Variants in UACA observed in about 807,000 individuals in gnomAD.
The protein encoded by UACA is uveal autoantigen with coiled-coil domains and ankyrin repeats.
Under a neutral mutation model 160.5 loss-of-function variants are expected in UACA, and 112 were observed. That is an observed-to-expected ratio of 0.70 (90% CI 0.60 to 0.82). UACA has a LOEUF of 0.82. Ranked by LOEUF, UACA falls within the 40% of genes least tolerant of loss-of-function variation. The probability of loss-of-function intolerance (pLI) is 0.00; values close to 1 mark genes in which losing one functional copy is unlikely to be tolerated. For synonymous variants in UACA, 557 were observed against 568.4 expected (o/e 0.98, Z 0.29); for missense variants, 1,574 against 1,614.6 (o/e 0.97, Z 0.43).
chr15:70,724,458 T>A (rs115128730), intron 1 of UACA, among the ~76,000 whole-genome samples: 1 of 152,190 alleles, frequency 6.6e-6, no homozygotes, highest in Admixed American at 6.5e-5. Flanking sequence ...ATCTCAGTTT[T>A]AATTTTTTTT....
chr15:70,747,241 GTTTTTT>G (rs549683234), intron 1 of UACA, among the ~76,000 whole-genome samples: 1 of 119,254 alleles, frequency 8.4e-6, no homozygotes, highest in East Asian at 2.3e-4. Context: ...TGTTTTTTGG[GTTTTTT>G]TTTTTTTTTT....
At chr15:70,754,520 C>T (rs747032506) in intron 1 of UACA, among the ~76,000 whole-genome samples, 2 of 152,010 alleles carry the variant, frequency 1.3e-5, no homozygotes, top group Non-Finnish European at 2.9e-5. Flanking sequence ...AAATGCATTT[C>T]GACTTACAAT....
chr15:70,665,118 A>G (rs1471237182), intron 16 of UACA, among the ~76,000 whole-genome samples: 1 of 152,222 alleles, frequency 6.6e-6, no homozygotes, highest in South Asian at 2.1e-4. Context: ...ACGAAGGCAC[A>G]TGAACTATCT....
chr15:70,740,165 C>T (rs1016724804), intron 1 of UACA, among the ~76,000 whole-genome samples: 22 of 85,322 alleles, frequency 2.6e-4, no homozygotes, highest in Middle Eastern at 6.5e-3. Flanking sequence ...AATCAAACTA[C>T]TTTAAATACA....
chr15:70,671,510 A>G (rs749765219), intron 14 of UACA: 1 of 158,366 alleles, frequency 6.3e-6, no homozygotes, highest in Non-Finnish European at 1.4e-5. Flanking sequence ...ACAAAAACAG[A>G]TTTTCTAGAG....
Position 70,763,481 on chromosome 15 carries a change from C to G in UACA, c.-74G>C. On this transcript the variant is annotated 5_prime_UTR_variant, in exon 1 of 19. Coordinates refer to ENST00000322954, the MANE Select transcript of UACA (RefSeq NM_018003.4). ...CCAGCGCGCAAGGAGTAGACGGCAG[C>G]GGCTGCAGCAGAGGCGGCGCGGGCT... 7.9e-7 allele frequency: 1 copy of G among 1,259,962 alleles called. No individual in the cohort carries two copies. The highest frequency in any genetic ancestry group is 1.0e-6 in the Non-Finnish European group (1 of 994,626). 78.0% of individuals were successfully genotyped at this position (1,259,962 alleles called of 1,614,324 possible).
chr15:70,659,985 TC>T (rs1896644825), intron 18 of UACA, among the ~76,000 whole-genome samples, 165 bp downstream of exon 18: 1 of 152,132 alleles, frequency 6.6e-6, no homozygotes, highest in African/African-American at 2.4e-5. Flanking sequence ...TGTAAATTTT[TC>T]TGGGAGATCC....
rs1339583002 is a variant in UACA, at chr15:70,695,177, A to C, written c.213-72T>G. 9.8e-5 allele frequency: 105 copies of C among 1,071,812 alleles called. No individual in the cohort carries two copies. In the East Asian group the frequency reaches 2.7e-3, roughly 27 times the overall value. 66.4% of individuals were successfully genotyped at this position (1,071,812 alleles called of 1,614,324 possible). A position where few individuals can be genotyped will look rare whatever the true frequency, so the allele number is the denominator to read the frequency against. The stretch of plus-strand genomic sequence containing the variant: ...TCACCTTAAATGCTACATTAATGTC[A>C]CCCTTTTTCAACACACACACACGCA... On this transcript the variant is annotated intron_variant, in intron 2 of 18. Coordinates refer to ENST00000322954, the MANE Select transcript of UACA (RefSeq NM_018003.4).
In UACA at chr15:70,699,382, T is replaced by C. The variant is rs1898246042; in HGVS notation, c.212+145A>G. 4 of 842,064 alleles carry C rather than the reference T, an allele frequency of 4.8e-6. No homozygotes were observed. The East Asian group carries it at 1.0e-4, about 21-fold the overall frequency. 52.2% of individuals were successfully genotyped at this position (842,064 alleles called of 1,614,324 possible). A position where few individuals can be genotyped will look rare whatever the true frequency, so the allele number is the denominator to read the frequency against. Reference sequence around the variant, plus strand: ...AAATATTTTAAATTGAGAACAATTATTAGTTTGTTTGAAAGATTTTATAGT... The same window carrying C: ...AAATATTTTAAATTGAGAACAATTACTAGTTTGTTTGAAAGATTTTATAGT... On this transcript the variant is annotated intron_variant, in intron 2 of 18. Coordinates refer to ENST00000322954, the MANE Select transcript of UACA (RefSeq NM_018003.4).
intron 2 of UACA, among the ~76,000 whole-genome samples, chr15:70,695,384 A>G (rs1237440193): frequency 6.6e-6 from 1 of 152,090 alleles, no homozygotes; most frequent in Non-Finnish European, 1.5e-5. Context: ...CTATAATATC[A>G]TTAACTCTAA....
chr15:70,666,803 T>C lies in UACA; in HGVS notation c.3881A>G (p.Asp1294Gly), dbSNP rs1005420623. 27 of 1,613,650 alleles carry C rather than the reference T, an allele frequency of 1.7e-5. No individual in the cohort carries two copies. Among genetic ancestry groups the C allele is most frequent in the Non-Finnish European group, 2.2e-5 (26 of 1,179,896 alleles). ...QEIKDQKERC[D>G]KSLTTITELQ... is the part of the protein sequence containing the mutation. ...CTCTGTGATTGTTGTTAAGGACTTATCACATCGTTCCTTCTGATCCTTAAT... is the reference window on the plus strand; with the variant it reads ...CTCTGTGATTGTTGTTAAGGACTTACCACATCGTTCCTTCTGATCCTTAAT... The change falls in exon 16 of 19, where the codon GAT becomes GGT. Residue 1294 changes from aspartate to glycine, a missense_variant. Asp to Gly is a moderately conservative substitution (Grantham distance 94). Transcript: ENST00000322954.
chr15:70,661,362 T>C (rs1896700640), intron 17 of UACA: 1 of 152,124 alleles, frequency 6.6e-6, no homozygotes, highest in African/African-American at 2.4e-5. Context: ...CAGAACTCCT[T>C]GGGGACAGGA....
At position 70,725,932 on chromosome 15, in the gene UACA, C is replaced by T. The variant is rs531437412; in HGVS notation, c.79-26272G>A. Reference sequence around the variant, plus strand: ...GATGCCCTAAATATCCTGACTTGATCATTACCCACTCCATGAATGTAGCAA... The same window carrying T: ...GATGCCCTAAATATCCTGACTTGATTATTACCCACTCCATGAATGTAGCAA... On this transcript the variant is annotated intron_variant, in intron 1 of 18. Coordinates refer to ENST00000322954, the MANE Select transcript of UACA (RefSeq NM_018003.4). Among the ~76,000 whole-genome samples the T allele has an allele frequency of 1.2e-4, 19 of 152,272 alleles. No homozygotes were observed. In the East Asian group the frequency reaches 3.7e-3, roughly 29 times the overall value.
Position 70,751,957 on chromosome 15 carries a change from C to G in UACA, c.78+11373G>C, listed in dbSNP as rs544610412. Reference sequence around the variant, plus strand: ...GTCATTTAAAAACCTCTAACATGGCCGGGCACAGTGGCTCACGCCTGTGGG... The same window carrying G: ...GTCATTTAAAAACCTCTAACATGGCGGGGCACAGTGGCTCACGCCTGTGGG... On this transcript the variant is annotated intron_variant, in intron 1 of 18. Transcript: ENST00000322954. Among the ~76,000 whole-genome samples the G allele has an allele frequency of 2.6e-5, 4 of 152,000 alleles. No individual in the cohort carries two copies. In the East Asian group the frequency reaches 5.8e-4, roughly 22 times the overall value.
chr15:70,736,494 G>A (rs1051708090), intron 1 of UACA, among the ~76,000 whole-genome samples: 2 of 152,094 alleles, frequency 1.3e-5, no homozygotes, highest in Admixed American at 6.5e-5. Flanking sequence ...GAGTACAGCC[G>A]CACGATCTTG....
chr15:70,670,082 G>GA (rs1237370391), intron 15 of UACA, among the ~76,000 whole-genome samples: 1 of 152,156 alleles, frequency 6.6e-6, no homozygotes, highest in Non-Finnish European at 1.5e-5. Flanking sequence ...CAGCACCAGG[G>GA]AAAGAGAGTC....
At chr15:70,705,337 T>G (rs1340087962) in intron 1 of UACA, among the ~76,000 whole-genome samples, 2 of 152,060 alleles carry the variant, frequency 1.3e-5, no homozygotes, top group Non-Finnish European at 2.9e-5. Context: ...GAGACCAGCC[T>G]GACCAATGGG....
intron 3 of UACA, among the ~76,000 whole-genome samples, chr15:70,691,768 G>A (rs1415620776): frequency 6.6e-6 from 1 of 152,208 alleles, no homozygotes; most frequent in Admixed American, 6.6e-5. Flanking sequence ...AATAGGCAGT[G>A]TGGACACTGA....
intron 1 of UACA, among the ~76,000 whole-genome samples, chr15:70,709,049 C>T (rs897765293): frequency 1.8e-4 from 28 of 152,276 alleles, no homozygotes; most frequent in African/African-American, 6.7e-4. Context: ...CACGTCCTTT[C>T]CACTCTAATC....
Sources: gnomAD v4.1 joint callset for allele counts (sites outside exome capture counted in the v4.1 genomes callset) on GRCh38, gnomAD v4.1.1 for gene constraint, MANE v1.5 for transcripts, NCBI Gene and HGNC (gene_info 2026-07-23, HGNC 2026-07-21) for gene names.